The following MCCC1 variants were observed in gnomAD, a reference collection of about 807,000 sequenced individuals.
MCCC1 encodes the protein methylcrotonoyl-CoA carboxylase subunit alpha, mitochondrial.
In MCCC1, 64 loss-of-function variants were observed where a neutral mutation model predicts 83.8. The ratio of observed to expected loss-of-function variants is 0.76; its 90% CI spans 0.62 to 0.94. The LOEUF (loss-of-function observed/expected upper bound fraction) is 0.94, where lower values mean the gene tolerates loss of function less well. MCCC1 is among the 40% of genes least tolerant of loss of function. The probability of loss-of-function intolerance (pLI) is 0.00; values close to 1 mark genes in which losing one functional copy is unlikely to be tolerated. For missense variants in MCCC1, 807 were observed against 904.7 expected, an observed-to-expected ratio of 0.89 and a Z score of 1.39; for synonymous variants, 322 against 315.4, an observed-to-expected ratio of 1.02 and a Z score of -0.22.
rs377666837 is a variant in MCCC1, at chr3:183,110,573, T to A, written c.-102+4901A>T. On this transcript the variant is annotated intron_variant, in intron 1 of 17. Transcript: ENST00000492597. ...TACGCCTGGCTAATTTTTTGTATTT[T>A]TTAGTGGAGACGGGGTTTCACTGTG... Among the ~76,000 whole-genome samples, 3 of 152,078 alleles carry A rather than the reference T, an allele frequency of 2.0e-5. No homozygotes were observed. The East Asian group carries it at 5.8e-4, about 29-fold the overall frequency.
intron 1 of MCCC1, among the ~76,000 whole-genome samples, chr3:183,108,108 T>C (rs921093126): frequency 6.6e-6 from 1 of 152,200 alleles, no homozygotes; most frequent in Non-Finnish European, 1.5e-5. Context: ...TGGCTTAATG[T>C]TATTACGCTG....
At chr3:183,019,923 C>T (rs1039555839) in intron 17 of MCCC1, among the ~76,000 whole-genome samples, 3 of 152,128 alleles carry the variant, frequency 2.0e-5, no homozygotes, top group African/African-American at 4.8e-5. Flanking sequence ...TCAAAAACAG[C>T]AGTCTTTTTC....
At chr3:183,087,885 A>G (rs1345036836) in intron 3 of MCCC1, among the ~76,000 whole-genome samples, 1 of 151,550 alleles carries the variant, frequency 6.6e-6, no homozygotes, top group Non-Finnish European at 1.5e-5. Flanking sequence ...AAAAAAAAAA[A>G]AAAAGGATGA....
Position 183,066,636 on chromosome 3 carries a change from G to C in MCCC1, c.761+4363C>G, listed in dbSNP as rs75944301. On this transcript the variant is annotated intron_variant, in intron 7 of 18. Coordinates refer to ENST00000265594, the MANE Select transcript of MCCC1 (RefSeq NM_020166.5). The stretch of plus-strand genomic sequence containing the variant: ...TATAATCAACTATACAACTCTAATA[G>C]GTGTTCTTGAATGCAGGTTTCATTT... Among the ~76,000 whole-genome samples the C allele has an allele frequency of 3.7e-3, 557 of 152,276 alleles. 5 individuals carry two copies. Among genetic ancestry groups the C allele is most frequent in the African/African-American group, 0.013 (535 of 41,538 alleles).
At chr3:183,093,399 G>A (rs1176654991) in intron 2 of MCCC1, among the ~76,000 whole-genome samples, 2 of 152,150 alleles carry the variant, frequency 1.3e-5, no homozygotes, top group African/African-American at 4.8e-5. Flanking sequence ...CTTCAACCTA[G>A]ATCTGCGTCA....
chr3:183,021,624 A>T (rs1712168912), intron 16 of MCCC1, among the ~76,000 whole-genome samples: 1 of 152,334 alleles, frequency 6.6e-6, no homozygotes, highest in East Asian at 1.9e-4. Flanking sequence ...GGCAAGGCAG[A>T]ATTTGAACCA....
chr3:183,038,734 G>A (rs762333820), intron 12 of MCCC1, among the ~76,000 whole-genome samples: 56 of 152,114 alleles, frequency 3.7e-4, no homozygotes, highest in Non-Finnish European at 6.9e-4. Flanking sequence ...AAAAACCTAC[G>A]AAGGTACCAT....
intron 1 of MCCC1, among the ~76,000 whole-genome samples, chr3:183,107,423 A>G (rs1053702262): frequency 2.1e-5 from 3 of 141,434 alleles, no homozygotes; most frequent in Non-Finnish European, 4.4e-5. Context: ...AAAAAAAAAG[A>G]AAAAGAAAAA....
At chr3:183,051,633 A>G (rs1459332823) in intron 9 of MCCC1, among the ~76,000 whole-genome samples, 1 of 152,212 alleles carries the variant, frequency 6.6e-6, no homozygotes, top group African/African-American at 2.4e-5. Context: ...CAGAATGTAC[A>G]ACACCAAGAG....
intron 7 of MCCC1, among the ~76,000 whole-genome samples, chr3:183,063,897 C>T (rs1307264776): frequency 6.6e-6 from 1 of 152,156 alleles, no homozygotes; most frequent in Non-Finnish European, 1.5e-5. Flanking sequence ...GGTGCATACA[C>T]CCGGGCAAAG....
At chr3:183,060,481 C>A (rs1715735352) in intron 7 of MCCC1, among the ~76,000 whole-genome samples, 2 of 152,194 alleles carry the variant, frequency 1.3e-5, no homozygotes, top group South Asian at 2.1e-4. Context: ...GAGAAGAAAG[C>A]TATTGACATA....
intron 18 of MCCC1, 88 bp downstream of exon 18, chr3:183,017,178 G>A: frequency 9.1e-7 from 1 of 1,100,482 alleles, no homozygotes; most frequent in Non-Finnish European, 1.4e-6. Context: ...TATTTAAGGT[G>A]GTATTAACTT....
chr3:183,098,889 A>G, intron 1 of MCCC1: 2 of 212,282 alleles, frequency 9.4e-6, no homozygotes, highest in Non-Finnish European at 1.9e-5. Context: ...CTGATGGGGC[A>G]CAGCTGAACT....
chr3:183,099,532 AC>A, upstream of MCCC1: 1 of 1,477,462 alleles, frequency 6.8e-7, no homozygotes. Flanking sequence ...AAGCCTCGTG[AC>A]CCCCGCCGGC....
chr3:183,101,091 G>A (rs1007139179), upstream of MCCC1, among the ~76,000 whole-genome samples: 8 of 152,254 alleles, frequency 5.3e-5, no homozygotes, highest in Admixed American at 1.3e-4. Flanking sequence ...CTGGCCCACC[G>A]GCGCTGCGCT....
At chr3:183,061,507 C>T (rs568365791) in intron 7 of MCCC1, among the ~76,000 whole-genome samples, 1 of 152,258 alleles carries the variant, frequency 6.6e-6, no homozygotes, top group African/African-American at 2.4e-5. Context: ...GGAGGCAAAA[C>T]CCATGAAAGT....
chr3:183,110,393 ATT>A (rs57833543), intron 1 of MCCC1, among the ~76,000 whole-genome samples: 138 of 129,526 alleles, frequency 1.1e-3, no homozygotes, highest in African/African-American at 3.1e-3. Context: ...TTTAGTCACA[ATT>A]TTTTTTTTTT....
At position 183,110,567 on chromosome 3, in the gene MCCC1, G is replaced by A. The variant is rs766437251; in HGVS notation, c.-102+4907C>T. On this transcript the variant is annotated intron_variant, in intron 1 of 17. Coordinates refer to the MCCC1 transcript ENST00000492597. ...CGCCACTACGCCTGGCTAATTTTTT[G>A]TATTTTTTAGTGGAGACGGGGTTTC... is the stretch of plus-strand genomic sequence containing the variant. 4.5e-4 allele frequency among the ~76,000 whole-genome samples: 68 copies of A among 151,880 alleles called. 1 individual carries two copies. Among genetic ancestry groups the A allele is most frequent in the Admixed American group, 4.1e-3 (62 of 15,240 alleles).
intron 8 of MCCC1, among the ~76,000 whole-genome samples, chr3:183,052,536 C>A (rs563246440): frequency 2.6e-5 from 4 of 152,158 alleles, no homozygotes; most frequent in Non-Finnish European, 5.9e-5. Context: ...CAGCCAGGTG[C>A]GGTGGCTCAC....
Sources: gnomAD v4.1 joint callset for allele counts (sites outside exome capture counted in the v4.1 genomes callset) on GRCh38, gnomAD v4.1.1 for gene constraint, MANE v1.5 for transcripts, NCBI Gene and HGNC (gene_info 2026-07-23, HGNC 2026-07-21) for gene names.